SVIL: variants seen among roughly 807,000 people sequenced by gnomAD.
The protein encoded by SVIL is supervillin.
In SVIL, 101 loss-of-function variants were observed where a neutral mutation model predicts 240.4. That is an observed-to-expected ratio of 0.42 (90% CI 0.36 to 0.50). The LOEUF (loss-of-function observed/expected upper bound fraction) is 0.50. Ranked by LOEUF, SVIL falls within the 20% of genes least tolerant of loss-of-function variation. The pLI, the probability that SVIL is intolerant of heterozygous loss-of-function variation, is 0.01. For synonymous variants in SVIL, 999 were observed against 1,100.0 expected (o/e 0.91, Z 1.82); for missense variants, 2,512 against 2,818.7 (o/e 0.89, Z 2.46).
At chr10:29,591,354 G>A (rs112774768) in intron 1 of SVIL, among the ~76,000 whole-genome samples, 135 of 152,206 alleles carry the variant, frequency 8.9e-4, no homozygotes, top group South Asian at 7.1e-3. Context: ...AAATGACTGT[G>A]GGCCATGGCA....
intron 1 of SVIL, among the ~76,000 whole-genome samples, chr10:29,705,386 T>C (rs572593980): frequency 6.6e-6 from 1 of 152,152 alleles, no homozygotes; most frequent in East Asian, 1.9e-4. Context: ...GATGAGGAAA[T>C]GATCCTAGAT....
intron 2 of SVIL, among the ~76,000 whole-genome samples, chr10:29,670,659 C>CT (rs747335500): frequency 4.6e-5 from 7 of 152,004 alleles, no homozygotes; most frequent in Non-Finnish European, 8.8e-5. Context: ...TCAGGAAACT[C>CT]TGAGTTTTTA....
chr10:29,639,071 G>A (rs535472532), upstream of SVIL, among the ~76,000 whole-genome samples: 14 of 152,048 alleles, frequency 9.2e-5, no homozygotes, highest in South Asian at 1.2e-3. Context: ...CTGGGATAAC[G>A]AAAGTGTGTC....
intron 1 of SVIL, among the ~76,000 whole-genome samples, chr10:29,694,160 C>T (rs1391575237): frequency 3.4e-5 from 5 of 147,646 alleles, no homozygotes; most frequent in African/African-American, 5.0e-5. Flanking sequence ...TTTGGGAAGC[C>T]GAGGCCGGAG....
intron 1 of SVIL, among the ~76,000 whole-genome samples, chr10:29,730,874 C>T (rs1964580724): frequency 6.6e-6 from 1 of 152,134 alleles, no homozygotes. Context: ...GATGCTGGAG[C>T]TACTAGAGGG....
chr10:29,705,501 G>A, intron 1 of SVIL, among the ~76,000 whole-genome samples: 1 of 151,910 alleles, frequency 6.6e-6, no homozygotes, highest in African/African-American at 2.4e-5. Context: ...TTTAAGTTCG[G>A]GATACAAGTG....
intron 1 of SVIL, among the ~76,000 whole-genome samples, chr10:29,618,057 G>A (rs1029987310): frequency 2.6e-5 from 4 of 152,182 alleles, no homozygotes; most frequent in Non-Finnish European, 2.9e-5. Context: ...TAAGGAGCTC[G>A]CTGACACAGG....
intron 34 of SVIL, among the ~76,000 whole-genome samples, chr10:29,464,790 C>T (rs1245543537): frequency 6.6e-6 from 1 of 151,170 alleles, no homozygotes; most frequent in African/African-American, 2.4e-5. Context: ...CTGGCTGCAG[C>T]TCCAGGCTCT....
chr10:29,695,713 C>T (rs569923914), intron 1 of SVIL, among the ~76,000 whole-genome samples: 1 of 152,176 alleles, frequency 6.6e-6, no homozygotes, highest in East Asian at 1.9e-4. Flanking sequence ...CACTGCACTC[C>T]AGCCTGGGCG....
intron 1 of SVIL, among the ~76,000 whole-genome samples, chr10:29,725,967 G>A (rs1427864754): frequency 6.6e-6 from 1 of 152,134 alleles, no homozygotes; most frequent in African/African-American, 2.4e-5. Context: ...TGTGGCCCAG[G>A]CTGGAGTGCA....
chr10:29,531,192 T>C (rs1293076764), intron 10 of SVIL, 62 bp downstream of exon 10: 1 of 1,548,440 alleles, frequency 6.5e-7, no homozygotes, highest in Non-Finnish European at 8.8e-7. Flanking sequence ...CCAAAAACCT[T>C]ATTATTAAAT....
intron 17 of SVIL, among the ~76,000 whole-genome samples, chr10:29,503,026 T>C (rs182608747): frequency 4.6e-5 from 7 of 152,342 alleles, no homozygotes; most frequent in African/African-American, 1.7e-4. Flanking sequence ...TGACCTGGCT[T>C]TTAAAATTTT....
rs1304191962 is a variant in SVIL, at chr10:29,735,419, G to T, written c.-400+332C>A. 6.6e-6 allele frequency among the ~76,000 whole-genome samples: 1 copy of T among 151,946 alleles called. No individual in the cohort carries two copies. The highest frequency in any genetic ancestry group is 1.5e-5 in the Non-Finnish European group (1 of 67,960). ...AGCCGCGCTAACTTCCCGAAACTCC[G>T]CGGAGAGAAACCCTGCCCCGGCCCG... On this transcript the variant is annotated intron_variant, in intron 1 of 35. Coordinates refer to the SVIL transcript ENST00000375400. The surrounding 1 kb of genome is among the most constrained non-coding windows in gnomAD (Gnocchi z 4.1).
Position 29,732,738 on chromosome 10 carries a change from G to C in SVIL, c.-400+3013C>G, listed in dbSNP as rs560091070. 1.1e-4 allele frequency among the ~76,000 whole-genome samples: 16 copies of C among 152,252 alleles called. No homozygotes were observed. The South Asian group carries it at 2.5e-3, about 24-fold the overall frequency. On this transcript the variant is annotated intron_variant, in intron 1 of 35. Coordinates refer to the SVIL transcript ENST00000375400. ...TCCAAGGAAATGGTCCCTCTTCCCA[G>C]GATTAGGCCAGCACCATTTTCACAG...
chr10:29,732,097 C>G (rs755238307), intron 1 of SVIL, among the ~76,000 whole-genome samples: 2 of 152,218 alleles, frequency 1.3e-5, no homozygotes, highest in Non-Finnish European at 2.9e-5. Flanking sequence ...GCTCCTAACT[C>G]TTTACACGCC....
At chr10:29,685,692 ATGCT>A (rs1383003653) in intron 2 of SVIL, among the ~76,000 whole-genome samples, 2 of 152,106 alleles carry the variant, frequency 1.3e-5, no homozygotes, top group African/African-American at 4.8e-5. Context: ...ATTTTTTTAC[ATGCT>A]TGTTGGCCAC....
chr10:29,714,763 C>T (rs1963513520), intron 1 of SVIL, among the ~76,000 whole-genome samples: 1 of 151,428 alleles, frequency 6.6e-6, no homozygotes, highest in East Asian at 1.9e-4. Flanking sequence ...AGTTCAAGAC[C>T]AGCCTTGGGA....
rs560813516 is a variant in SVIL at position 29,464,899 on chromosome 10, T to C, written c.6133+696A>G. 2.5e-3 allele frequency among the ~76,000 whole-genome samples: 375 copies of C among 152,308 alleles called. 8 individuals are homozygous for C. In the South Asian group the frequency reaches 0.05, roughly 20 times the overall value. On this transcript the variant is annotated intron_variant, in intron 34 of 37. Coordinates refer to ENST00000355867, the MANE Select transcript of SVIL (RefSeq NM_021738.3). ...GTTGTCAAGCCCAGTCTCTTGTTAC[T>C]TTCCCAACCAGAATGAGGGCACAGA... is the stretch of plus-strand genomic sequence containing the variant.
At chr10:29,515,972 G>A (rs1185021547) in intron 16 of SVIL, among the ~76,000 whole-genome samples, 1 of 152,068 alleles carries the variant, frequency 6.6e-6, no homozygotes, top group African/African-American at 2.4e-5. Flanking sequence ...GACGGACAAG[G>A]AACGTGGGTA....
Sources: gnomAD v4.1 joint callset for allele counts (sites outside exome capture counted in the v4.1 genomes callset) on GRCh38, gnomAD v4.1.1 for gene constraint, Gnocchi (gnomAD v3.1) non-coding constraint, MANE v1.5 for transcripts, NCBI Gene and HGNC (gene_info 2026-07-23, HGNC 2026-07-21) for gene names.